Variants in NAV3 observed in about 807,000 individuals in gnomAD.
NAV3 encodes neuron navigator 3, also known as pore membrane and/or filament interacting like protein 1.
Under a neutral mutation model 244.7 loss-of-function variants are expected in NAV3, and 87 were observed. The ratio of observed to expected loss-of-function variants is 0.36; its 90% CI spans 0.30 to 0.42. The LOEUF (loss-of-function observed/expected upper bound fraction) is 0.42, where lower values mean the gene tolerates loss of function less well. Among genes scored for constraint, NAV3 ranks in the 20% least tolerant of loss-of-function variants. NAV3 has a pLI of 1.00. For synonymous variants in NAV3, 1,126 were observed against 1,042.2 expected (o/e 1.08, Z -1.55); for missense variants, 2,663 against 2,893.3 (o/e 0.92, Z 1.83).
rs775907789 is a variant in NAV3, at chr12:78,006,732, C to G, written c.1194C>G (p.Arg398=). 1.7e-5 allele frequency: 27 copies of G among 1,613,938 alleles called. No individual in the cohort carries two copies. Among genetic ancestry groups the G allele is most frequent in the Non-Finnish European group, 2.3e-5 (27 of 1,179,968 alleles). ...TAGTCAATGCCCGGACTGCTTTACG[C>G]CCCCCGCAGCCTCCCAGTTCAGGAC... ...FKLVNARTAL[R]PPQPPSSGPS... is the part of the protein sequence containing the mutation. Residue 398 remains arginine, a synonymous_variant, in exon 8 of 40, where the codon CGC becomes CGG. Coordinates refer to ENST00000397909, the MANE Select transcript of NAV3 (RefSeq NM_001024383.2).
chr12:77,652,720 A>G (rs1872882841), intron 2 of NAV3, among the ~76,000 whole-genome samples: 1 of 152,244 alleles, frequency 6.6e-6, no homozygotes, highest in African/African-American at 2.4e-5. Context: ...AGTAAAAATT[A>G]AGTAGATCCA....
At chr12:77,749,200 T>A (rs1268299866) in intron 2 of NAV3, among the ~76,000 whole-genome samples, 1 of 152,168 alleles carries the variant, frequency 6.6e-6, no homozygotes, top group Non-Finnish European at 1.5e-5. Context: ...AAAGGACTAC[T>A]TCATATGAAC....
At chr12:78,200,621 T>A in intron 38 of NAV3, 30 bp downstream of exon 38, 1 of 1,309,534 alleles carries the variant, frequency 7.6e-7, no homozygotes, top group Non-Finnish European at 1.0e-6. Flanking sequence ...TTGCTATTTT[T>A]TTTTAAAAAA....
Position 78,117,158 on chromosome 12 carries a change from C to CATATATAT in NAV3, c.2769+285_2769+292dup, listed in dbSNP as rs377148138. 7.3e-3 allele frequency among the ~76,000 whole-genome samples: 509 copies of CATATATAT among 70,186 alleles called. 4 individuals carry two copies. The highest frequency in any genetic ancestry group is 0.016 in the East Asian group (31 of 1,982). 46.0% of individuals were successfully genotyped at this position (70,186 alleles called of 152,430 possible). On this transcript the variant is annotated intron_variant, in intron 13 of 39. Coordinates refer to ENST00000397909, the MANE Select transcript of NAV3 (RefSeq NM_001024383.2). ...GCCAATTTTGAATAAACAGAAGCAGCATATATATATATATATATATATATA... is the reference window on the plus strand; with the variant it reads ...GCCAATTTTGAATAAACAGAAGCAGCATATATATATATATATATATATATATATATATA...
chr12:77,783,491 A>G (rs1426121136), intron 2 of NAV3: 1 of 152,270 alleles, frequency 6.6e-6, no homozygotes, highest in African/African-American at 2.4e-5. Context: ...AGAGAAGACC[A>G]CAGTGGGAAC....
chr12:77,907,360 C>A (rs1490669507), intron 1 of NAV3, among the ~76,000 whole-genome samples: 1 of 152,136 alleles, frequency 6.6e-6, no homozygotes, highest in Admixed American at 6.6e-5. Flanking sequence ...ACAGGTTGAA[C>A]TTTGGTTGAA....
chr12:77,879,318 G>A (rs375613496), intron 1 of NAV3, among the ~76,000 whole-genome samples: 102 of 152,144 alleles, frequency 6.7e-4, no homozygotes, highest in Admixed American at 2.0e-3. Flanking sequence ...TATATTAAAT[G>A]GGAATTAAAA....
intron 6 of NAV3, among the ~76,000 whole-genome samples, 161 bp downstream of exon 6, chr12:77,995,032 G>A (rs766202442): frequency 2.6e-5 from 4 of 151,832 alleles, no homozygotes; most frequent in Non-Finnish European, 4.4e-5. Flanking sequence ...TCAGGGATGA[G>A]CATGTTTGTA....
intron 2 of NAV3, among the ~76,000 whole-genome samples, chr12:77,668,440 A>G (rs1323417469): frequency 6.6e-6 from 1 of 152,210 alleles, no homozygotes; most frequent in Non-Finnish European, 1.5e-5. Flanking sequence ...TAAATAAAAA[A>G]TGTTCACAAC....
chr12:78,050,152 A>G (rs1395897206), intron 10 of NAV3, 51 bp downstream of exon 10: 1 of 1,266,728 alleles, frequency 7.9e-7, no homozygotes, highest in Admixed American at 2.0e-5. Flanking sequence ...AAATAATTAC[A>G]AACAAACATT....
At chr12:77,921,233 A>G (rs967492388) in intron 1 of NAV3, among the ~76,000 whole-genome samples, 1 of 152,126 alleles carries the variant, frequency 6.6e-6, no homozygotes, top group Non-Finnish European at 1.5e-5. Flanking sequence ...ATGAAATTCT[A>G]AAAATGTTAA....
chr12:78,024,521 A>T (rs1199915251), intron 9 of NAV3, among the ~76,000 whole-genome samples: 2 of 152,200 alleles, frequency 1.3e-5, no homozygotes, highest in South Asian at 4.1e-4. Context: ...TTCATGAACC[A>T]CTGTCATCAC....
chr12:77,976,290 C>T (rs1328211894), intron 5 of NAV3, among the ~76,000 whole-genome samples: 3 of 152,032 alleles, frequency 2.0e-5, no homozygotes, highest in African/African-American at 7.2e-5. Context: ...AGATAAAAAT[C>T]ATGGAAAAAT....
intron 9 of NAV3, among the ~76,000 whole-genome samples, chr12:78,041,558 C>T (rs1880862999): frequency 6.6e-6 from 1 of 152,118 alleles, no homozygotes; most frequent in Non-Finnish European, 1.5e-5. Flanking sequence ...TTTTGCTTAT[C>T]CCCCATAAAT....
At chr12:78,045,072 T>C (rs1881534016) in intron 9 of NAV3, among the ~76,000 whole-genome samples, 1 of 152,192 alleles carries the variant, frequency 6.6e-6, no homozygotes, top group Non-Finnish European at 1.5e-5. Context: ...GTGTCTGTCA[T>C]AAATAGCCCT....
At chr12:78,143,771 C>G (rs393144) in intron 20 of NAV3, among the ~76,000 whole-genome samples, 52,594 of 151,834 alleles carry the variant, frequency 0.35, 9,368 homozygotes, top group East Asian at 0.48. Flanking sequence ...ATTGGAATAT[C>G]TATGGAATAT....
intron 1 of NAV3, among the ~76,000 whole-genome samples, chr12:77,889,265 CT>C (rs1182953526): frequency 6.6e-6 from 1 of 152,162 alleles, no homozygotes; most frequent in Non-Finnish European, 1.5e-5. Flanking sequence ...TAAGAGGGAA[CT>C]TTACCTGCCT....
intron 3 of NAV3, among the ~76,000 whole-genome samples, chr12:77,951,516 G>A (rs975318070): frequency 2.0e-5 from 3 of 152,076 alleles, no homozygotes; most frequent in African/African-American, 2.4e-5. Context: ...TGCGGCGGTT[G>A]CTCAAGGATC....
intron 2 of NAV3, among the ~76,000 whole-genome samples, chr12:77,789,947 G>A (rs938416826): frequency 6.6e-6 from 1 of 152,080 alleles, no homozygotes; most frequent in Non-Finnish European, 1.5e-5. Context: ...GCCGAATGTG[G>A]GTGGCAGGTT....
Sources: allele counts gnomAD v4.1 joint callset (sites outside exome capture counted in the v4.1 genomes callset), GRCh38; gene constraint gnomAD v4.1.1; transcripts MANE v1.5; gene names NCBI Gene and HGNC (gene_info 2026-07-23, HGNC 2026-07-21).